RBFOX3: variants seen among roughly 807,000 people sequenced by gnomAD.
RBFOX3 encodes the protein RNA binding fox-1 homolog 3.
Under a neutral mutation model 48.7 loss-of-function variants are expected in RBFOX3, and 17 were observed. That is an observed-to-expected ratio of 0.35 (90% CI 0.24 to 0.52). RBFOX3 has a LOEUF of 0.52. RBFOX3 is among the 20% of genes least tolerant of loss of function. RBFOX3 has a pLI of 0.94. For missense variants in RBFOX3, 382 were observed against 497.5 expected, an observed-to-expected ratio of 0.77 and a Z score of 2.21; for synonymous variants, 212 against 209.5, an observed-to-expected ratio of 1.01 and a Z score of -0.10.
At chr17:79,168,220 C>T (rs1244281476) in intron 4 of RBFOX3, among the ~76,000 whole-genome samples, 3 of 152,180 alleles carry the variant, frequency 2.0e-5, no homozygotes, top group African/African-American at 4.8e-5. Context: ...GAGGCAGGTG[C>T]GGCTTGCCAT....
intron 2 of RBFOX3, among the ~76,000 whole-genome samples, chr17:79,371,793 G>A (rs1043355909): frequency 6.6e-6 from 1 of 152,284 alleles, no homozygotes; most frequent in Admixed American, 6.5e-5. Flanking sequence ...GCAGAGCCTC[G>A]CCCTGGTCAG....
At chr17:79,366,778 G>A (rs533310682) in intron 2 of RBFOX3, among the ~76,000 whole-genome samples, 2 of 152,328 alleles carry the variant, frequency 1.3e-5, no homozygotes, top group African/African-American at 2.4e-5. Context: ...CCAGCAGGAC[G>A]ACCCTTGTCC....
intron 3 of RBFOX3, among the ~76,000 whole-genome samples, chr17:79,241,885 C>A (rs565477054): frequency 1.2e-3 from 186 of 152,240 alleles, no homozygotes; most frequent in Admixed American, 2.4e-3. Context: ...CCCAAGGGAC[C>A]CTCCCTCATG....
intron 2 of RBFOX3, among the ~76,000 whole-genome samples, chr17:79,411,585 G>A (rs1461398405): frequency 6.6e-6 from 1 of 152,148 alleles, no homozygotes; most frequent in Non-Finnish European, 1.5e-5. Flanking sequence ...TGTGCTGTAA[G>A]CCCCTGCCTG....
intron 3 of RBFOX3, among the ~76,000 whole-genome samples, chr17:79,279,842 G>C (rs1249085879): frequency 6.6e-6 from 1 of 152,070 alleles, no homozygotes; most frequent in African/African-American, 2.4e-5. Context: ...TGAGAGGTTG[G>C]AAAAAAAGGA....
intron 2 of RBFOX3, among the ~76,000 whole-genome samples, chr17:79,356,348 G>GTT (rs58040659): frequency 2.1e-4 from 10 of 47,270 alleles, no homozygotes; most frequent in African/African-American, 4.8e-4. Context: ...AAACAGGGAA[G>GTT]TTTTTTTTTT....
rs1051232295 is a variant in RBFOX3 at position 79,311,085 on chromosome 17, A to G, written c.-174-3261T>C. 2.2e-4 allele frequency among the ~76,000 whole-genome samples: 33 copies of G among 152,168 alleles called. No homozygotes were observed. The highest frequency in any genetic ancestry group is 7.7e-4 in the African/African-American group (32 of 41,424). On this transcript the variant is annotated intron_variant, in intron 2 of 14. Coordinates refer to ENST00000693108, the MANE Select transcript of RBFOX3 (RefSeq NM_001350451.2). The surrounding 1 kb of genome is among the most constrained non-coding windows in gnomAD (Gnocchi z 4.2). ...GTCGAAAGGCTTCATCCGGTCAGTT[A>G]AAAGGCCTTAACAGCAAAAACTAAG... is the stretch of plus-strand genomic sequence containing the variant.
At chr17:79,529,411 A>G (rs2087339491) in intron 1 of RBFOX3, among the ~76,000 whole-genome samples, 2 of 152,226 alleles carry the variant, frequency 1.3e-5, no homozygotes, top group Admixed American at 1.3e-4. Flanking sequence ...TATGTTTTCA[A>G]TCCTCCACGG....
intron 2 of RBFOX3, among the ~76,000 whole-genome samples, chr17:79,330,932 A>G (rs535634337): frequency 6.6e-6 from 1 of 152,256 alleles, no homozygotes; most frequent in Admixed American, 6.5e-5. Context: ...GTTCTGACAC[A>G]CACTGGGTCT....
At chr17:79,491,310 T>G (rs1313760991) in intron 1 of RBFOX3, among the ~76,000 whole-genome samples, 2 of 151,594 alleles carry the variant, frequency 1.3e-5, no homozygotes, top group African/African-American at 4.9e-5. Context: ...ACATATAAGT[T>G]AGAAACCAGA....
intron 1 of RBFOX3, among the ~76,000 whole-genome samples, chr17:79,483,006 C>A (rs971016541): frequency 3.3e-5 from 5 of 152,020 alleles, no homozygotes; most frequent in African/African-American, 1.2e-4. Context: ...CCAGGACCCA[C>A]CACTGTCCGC....
intron 2 of RBFOX3, among the ~76,000 whole-genome samples, chr17:79,324,655 G>A (rs1568043368): frequency 6.6e-6 from 1 of 152,224 alleles, no homozygotes; most frequent in Non-Finnish European, 1.5e-5. Flanking sequence ...GGAGTTCAGA[G>A]GACCTGGCTC....
chr17:79,174,651 C>T (rs1219101309), intron 4 of RBFOX3, among the ~76,000 whole-genome samples: 3 of 151,240 alleles, frequency 2.0e-5, no homozygotes, highest in Non-Finnish European at 4.4e-5. Context: ...CTGACACACA[C>T]CCAATGCACA....
chr17:79,413,539 T>A (rs1276070970), intron 2 of RBFOX3, among the ~76,000 whole-genome samples: 1 of 152,248 alleles, frequency 6.6e-6, no homozygotes, highest in Non-Finnish European at 1.5e-5. Flanking sequence ...TGAGCTCTTC[T>A]CTTCCCGTGG....
Position 79,229,815 on chromosome 17 carries a change from G to A in RBFOX3, c.-34+5951C>T, listed in dbSNP as rs1198600288. The stretch of plus-strand genomic sequence containing the variant: ...TCTTGCCTTGGCCACTTCCAACGTG[G>A]GCCTGGGTGAATAATCGACCCATCC... On this transcript the variant is annotated intron_variant, in intron 4 of 14. Transcript: ENST00000693108. Among the ~76,000 whole-genome samples, 3 of 152,114 alleles carry A rather than the reference G, an allele frequency of 2.0e-5. No individual in the cohort carries two copies. The East Asian group carries it at 5.8e-4, about 29-fold the overall frequency.
chr17:79,246,490 C>T (rs776710675), intron 3 of RBFOX3, among the ~76,000 whole-genome samples: 4 of 152,218 alleles, frequency 2.6e-5, no homozygotes, highest in Admixed American at 6.5e-5. Flanking sequence ...CTGCTCTCTC[C>T]GGAGCTGGCG....
chr17:79,298,698 G>A (rs1454585153), intron 3 of RBFOX3, among the ~76,000 whole-genome samples: 1 of 152,176 alleles, frequency 6.6e-6, no homozygotes, highest in African/African-American at 2.4e-5. Flanking sequence ...GGGTCATCTC[G>A]CCGGCAGGGC....
intron 4 of RBFOX3, among the ~76,000 whole-genome samples, chr17:79,125,095 C>A (rs1257154678): frequency 6.6e-6 from 1 of 152,180 alleles, no homozygotes; most frequent in Non-Finnish European, 1.5e-5. Context: ...AAAATAAACT[C>A]GTCTCCAATT....
chr17:79,273,297 A>T (rs2068073453), intron 3 of RBFOX3, among the ~76,000 whole-genome samples: 1 of 152,112 alleles, frequency 6.6e-6, no homozygotes, highest in African/African-American at 2.4e-5. Flanking sequence ...GTCATTTTTT[A>T]TTGGTTGTGG....
Sources: gnomAD v4.1 joint callset for allele counts (sites outside exome capture counted in the v4.1 genomes callset) on GRCh38, gnomAD v4.1.1 for gene constraint, Gnocchi (gnomAD v3.1) non-coding constraint, MANE v1.5 for transcripts, NCBI Gene and HGNC (gene_info 2026-07-23, HGNC 2026-07-21) for gene names.